TOR1AIP1: variants seen among roughly 807,000 people sequenced by gnomAD.
TOR1AIP1 encodes torsin 1A interacting protein 1.
Under a neutral mutation model 63.3 loss-of-function variants are expected in TOR1AIP1, and 54 were observed. The observed-to-expected ratio is 0.85, with a 90% CI of 0.69 to 1.07. The LOEUF is 1.07. Among genes scored for constraint, TOR1AIP1 ranks in the 50% least tolerant of loss-of-function variants. TOR1AIP1 has a pLI of 0.00. For synonymous variants in TOR1AIP1, 294 were observed against 273.5 expected, an observed-to-expected ratio of 1.07 and a Z score of -0.74; for missense variants, 736 against 715.0, an observed-to-expected ratio of 1.03 and a Z score of -0.33.
Position 179,913,993 on chromosome 1 carries a change from A to G in TOR1AIP1, c.908-5A>G, listed in dbSNP as rs1648914367. On this transcript the variant is annotated splice_polypyrimidine_tract_variant and splice_region_variant and intron_variant, in intron 8 of 9. Transcript: ENST00000606911. ...ATAGTCTTATTTTATTACTCTCACC[A>G]TTAGATGACAGCATTCTGAAATCAG... 6.2e-7 allele frequency: 1 copy of G among 1,613,364 alleles called. No homozygotes were observed. Among genetic ancestry groups the G allele is most frequent in the Admixed American group, 1.7e-5 (1 of 59,996 alleles).
chr1:179,894,291 A>G (rs1226554731), intron 3 of TOR1AIP1, among the ~76,000 whole-genome samples: 1 of 151,996 alleles, frequency 6.6e-6, no homozygotes, highest in Non-Finnish European at 1.5e-5. Context: ...AATCACGCAA[A>G]TGGTCATTTG....
At chr1:179,892,990 C>A (rs1648147499) in intron 3 of TOR1AIP1, among the ~76,000 whole-genome samples, 1 of 151,954 alleles carries the variant, frequency 6.6e-6, no homozygotes, top group Non-Finnish European at 1.5e-5. Context: ...CCTATAATCC[C>A]AGCACTTTGG....
intron 8 of TOR1AIP1, among the ~76,000 whole-genome samples, chr1:179,912,885 T>A (rs932711208): frequency 2.0e-5 from 3 of 152,182 alleles, no homozygotes; most frequent in Non-Finnish European, 2.9e-5. Flanking sequence ...AAGTTGTTGA[T>A]ATAACGCTAA....
In TOR1AIP1 at chr1:179,900,161, G is replaced by T. The variant is rs778326858; in HGVS notation, c.646G>T (p.Glu216Ter). 1.9e-5 allele frequency: 31 copies of T among 1,601,760 alleles called. No homozygotes were observed. Among genetic ancestry groups the T allele is most frequent in the African/African-American group, 4.0e-5 (3 of 74,630 alleles). ...TSVQQKVNFS[E>*]EGETEEDDQD... ...TGTCCAACAGAAGGTCAATTTCTCT[G>T]AAGAAGGTATTTTACTTGTAAATAT... The change falls in exon 4 of 10, where the codon GAA (glutamate) becomes TAA (stop). Residue 216 changes from glutamate to a stop codon, truncating the protein, a stop_gained. Coordinates refer to ENST00000606911, the MANE Select transcript of TOR1AIP1 (RefSeq NM_015602.4). LOFTEE classifies it high-confidence loss of function.
chr1:179,910,312 AG>A (rs1479198879), intron 8 of TOR1AIP1, among the ~76,000 whole-genome samples: 1 of 152,166 alleles, frequency 6.6e-6, no homozygotes, highest in Non-Finnish European at 1.5e-5. Context: ...ACTTTTATTT[AG>A]GTAATGTAAA....
chr1:179,909,600 G>A (rs1040403710), intron 8 of TOR1AIP1, among the ~76,000 whole-genome samples: 7 of 151,712 alleles, frequency 4.6e-5, no homozygotes, highest in Admixed American at 3.9e-4. Context: ...TACACGCCTG[G>A]CTAATTTTTA....
chr1:179,900,300 CG>C, intron 4 of TOR1AIP1, 133 bp downstream of exon 4: 1 of 553,650 alleles, frequency 1.8e-6, no homozygotes, highest in Non-Finnish European at 3.2e-6. Flanking sequence ...CTCAGCTACT[CG>C]GGAGGCTGAG....
At chr1:179,913,916 G>C in intron 8 of TOR1AIP1, 82 bp from the exon 9 acceptor site, 1 of 1,303,746 alleles carries the variant, frequency 7.7e-7, no homozygotes, top group South Asian at 1.3e-5. Flanking sequence ...GGTGGAATTT[G>C]TATCTTCTTT....
At chr1:179,914,609 C>T (rs1206534589) in intron 9 of TOR1AIP1, among the ~76,000 whole-genome samples, 1 of 152,148 alleles carries the variant, frequency 6.6e-6, no homozygotes, top group Non-Finnish European at 1.5e-5. Flanking sequence ...TCCTGGCCAA[C>T]ATGGTGAAAC....
intron 3 of TOR1AIP1, among the ~76,000 whole-genome samples, chr1:179,896,451 A>C (rs1055647704): frequency 4.3e-5 from 6 of 140,280 alleles, no homozygotes; most frequent in African/African-American, 1.6e-4. Flanking sequence ...GACCGACCTA[A>C]GTGCTAGGAT....
chr1:179,899,005 T>G (rs1191719354), intron 3 of TOR1AIP1, among the ~76,000 whole-genome samples: 1 of 152,186 alleles, frequency 6.6e-6, no homozygotes, highest in Non-Finnish European at 1.5e-5. Flanking sequence ...AAAGCTTGAC[T>G]AGTATTATAC....
intron 3 of TOR1AIP1, among the ~76,000 whole-genome samples, chr1:179,898,873 G>A (rs1648363701): frequency 6.6e-6 from 1 of 151,344 alleles, no homozygotes; most frequent in African/African-American, 2.4e-5. Flanking sequence ...AGAGTAACAT[G>A]GTGTTATCAG....
intron 8 of TOR1AIP1, among the ~76,000 whole-genome samples, chr1:179,912,552 A>G (rs539002033): frequency 1.3e-5 from 2 of 152,208 alleles, no homozygotes; most frequent in East Asian, 3.9e-4. Flanking sequence ...GCATTTTTGT[A>G]TATATTATCT....
At chr1:179,889,160 A>G (rs1647989882) in intron 2 of TOR1AIP1, 153 bp from the exon 3 acceptor site, 2 of 474,480 alleles carry the variant, frequency 4.2e-6, no homozygotes, top group Non-Finnish European at 7.1e-6. Context: ...CTAGTTCGCA[A>G]CAGTTGTCAC....
At chr1:179,893,477 G>C (rs957618942) in intron 3 of TOR1AIP1, among the ~76,000 whole-genome samples, 2 of 151,862 alleles carry the variant, frequency 1.3e-5, no homozygotes, top group Non-Finnish European at 2.9e-5. Flanking sequence ...GTCTCAATCT[G>C]TCACCCACGC....
chr1:179,909,576 A>G (rs910532117), intron 8 of TOR1AIP1, among the ~76,000 whole-genome samples: 1 of 151,244 alleles, frequency 6.6e-6, no homozygotes, highest in African/African-American at 2.4e-5. Flanking sequence ...ACACCCAGCT[A>G]ATTTTTGTAT....
rs752159540 is a variant in TOR1AIP1 at position 179,884,756 on chromosome 1, A to C, written c.540A>C (p.Ile180=). ...TCTCAAAGAAAACTGTCAGGAGCAT[A>C]CAAGAGGCTCCAGGTAAGAATAGTT... The part of the protein sequence containing the change: ...QTISKKTVRS[I]QEAPVSEDLV... The change falls in exon 2 of 10, where the codon ATA becomes ATC. Residue 180 remains isoleucine (I), a synonymous_variant. Transcript: ENST00000606911. 8.1e-6 allele frequency: 13 copies of C among 1,610,194 alleles called. No individual in the cohort carries two copies. The highest frequency in any genetic ancestry group is 1.1e-5 in the Non-Finnish European group (13 of 1,178,708).
At position 179,908,682 on chromosome 1, in the gene TOR1AIP1, A is replaced by G. The variant is rs1648731809; in HGVS notation, c.907+9A>G. The G allele has an allele frequency of 2.5e-6, 4 of 1,607,372 alleles. No homozygotes were observed. The highest frequency in any genetic ancestry group is 2.7e-5 in the African/African-American group (2 of 74,710). ...AAGGACCAGGATGCAAAGTAAGTAG[A>G]TAAATCTCTGTTATTGAAATAATCT... is the stretch of plus-strand genomic sequence containing the variant. On this transcript the variant is annotated intron_variant, in intron 8 of 9. Coordinates refer to ENST00000606911, the MANE Select transcript of TOR1AIP1 (RefSeq NM_015602.4).
At chr1:179,906,461 G>A (rs1648635239) in intron 6 of TOR1AIP1, among the ~76,000 whole-genome samples, 1 of 151,832 alleles carries the variant, frequency 6.6e-6, no homozygotes, top group South Asian at 2.1e-4. Flanking sequence ...ATTTTCTCAG[G>A]GCAGATTTGA....
Sources: gnomAD v4.1 joint callset for allele counts (sites outside exome capture counted in the v4.1 genomes callset) on GRCh38, gnomAD v4.1.1 for gene constraint, MANE v1.5 for transcripts, NCBI Gene and HGNC (gene_info 2026-07-23, HGNC 2026-07-21) for gene names.